PSMD14: variants seen among roughly 807,000 people sequenced by gnomAD.
The protein encoded by PSMD14 is proteasome 26S subunit, non-ATPase 14.
A neutral mutation model predicts 41.2 loss-of-function variants in PSMD14; 7 were observed. That is an observed-to-expected ratio of 0.17 (90% confidence interval 0.10 to 0.32). The LOEUF (loss-of-function observed/expected upper bound fraction) is 0.32, where lower values mean the gene tolerates loss of function less well. Ranked by LOEUF, PSMD14 falls within the 10% of genes least tolerant of loss-of-function variation. PSMD14 has a pLI of 1.00. For missense variants in PSMD14, 139 were observed against 375.6 expected, an observed-to-expected ratio of 0.37 and a Z score of 5.21; for synonymous variants, 114 against 122.3, an observed-to-expected ratio of 0.93 and a Z score of 0.45.
intron 3 of PSMD14, among the ~76,000 whole-genome samples, chr2:161,319,341 T>A (rs1478617093): frequency 1.5e-5 from 2 of 132,358 alleles, no homozygotes; most frequent in Non-Finnish European, 3.5e-5. Context: ...TAATAAGTAA[T>A]CTCTCTCCTT....
intron 3 of PSMD14, among the ~76,000 whole-genome samples, chr2:161,336,580 T>C (rs886481676): frequency 1.3e-5 from 2 of 152,170 alleles, no homozygotes; most frequent in African/African-American, 4.8e-5. Context: ...TTTATTTATT[T>C]ATTCATTTAT....
intron 7 of PSMD14, among the ~76,000 whole-genome samples, chr2:161,372,716 A>G (rs1185309188): frequency 6.6e-6 from 1 of 151,978 alleles, no homozygotes. Context: ...TATGAATTAT[A>G]TTTGATGCCT....
chr2:161,338,765 A>G lies in PSMD14; in HGVS notation c.48+19892A>G, dbSNP rs1349169308. Among the ~76,000 whole-genome samples, 3 of 152,164 alleles carry G rather than the reference A, an allele frequency of 2.0e-5. No individual in the cohort carries two copies. In the East Asian group the frequency reaches 5.8e-4, roughly 29 times the overall value. On this transcript the variant is annotated intron_variant, in intron 3 of 11. Transcript: ENST00000409682. ...ACTGCAATCAAGATGGTGAACATCC[A>G]TCATTCTCAGAATTTACATATGCCC... is the stretch of plus-strand genomic sequence containing the variant.
intron 7 of PSMD14, chr2:161,383,814 T>C (rs1233425018): frequency 6.6e-6 from 1 of 151,678 alleles, no homozygotes; most frequent in Non-Finnish European, 1.5e-5. Flanking sequence ...ATGGCCACCT[T>C]CTTCCTCCTT....
chr2:161,326,891 A>G (rs1682707726), intron 3 of PSMD14, among the ~76,000 whole-genome samples: 1 of 152,138 alleles, frequency 6.6e-6, no homozygotes, highest in Non-Finnish European at 1.5e-5. Flanking sequence ...ATATATATAA[A>G]ACATTTTTAT....
At chr2:161,352,399 G>A (rs1376039034) in intron 3 of PSMD14, among the ~76,000 whole-genome samples, 1 of 152,164 alleles carries the variant, frequency 6.6e-6, no homozygotes, top group African/African-American at 2.4e-5. Flanking sequence ...TACTTTCTGG[G>A]GAGGCGCTTT....
intron 1 of PSMD14, among the ~76,000 whole-genome samples, chr2:161,314,689 A>G (rs1212895394): frequency 6.6e-6 from 1 of 152,234 alleles, no homozygotes; most frequent in Non-Finnish European, 1.5e-5. Context: ...TTTGAGGTTC[A>G]GCTAACTTGT....
chr2:161,408,837 G>C lies in PSMD14; in HGVS notation c.772G>C (p.Ala258Pro), dbSNP rs745747841. 6.2e-7 allele frequency: 1 copy of C among 1,600,484 alleles called. No individual in the cohort carries two copies. Among genetic ancestry groups the C allele is most frequent in the Non-Finnish European group, 8.6e-7 (1 of 1,169,464 alleles). Residue 258 changes from alanine (A) to proline (P), a missense_variant and splice_region_variant, in exon 11 of 12, where the codon GCT becomes CCT. By Grantham distance (27) the Ala-to-Pro change is conservative. This residue lies in a region of PSMD14 where 80 missense variants were observed against 138.1 expected (regional missense o/e 0.58). Transcript: ENST00000409682. ...MLELAKNYNK[A>P]VEEEDKMTPE... ...TCTGTCCTTTGTGTTTCATTCACAG[G>C]CTGTAGAAGAAGAAGATAAGATGAC... is the stretch of plus-strand genomic sequence containing the variant.
At chr2:161,315,494 C>T (rs1416657131) in intron 1 of PSMD14, among the ~76,000 whole-genome samples, 1 of 152,080 alleles carries the variant, frequency 6.6e-6, no homozygotes, top group Non-Finnish European at 1.5e-5. Context: ...AAAAAGACTA[C>T]AGAGATGAAG....
In PSMD14 at chr2:161,370,273, A is replaced by G. The variant is rs570108453; in HGVS notation, c.311+96A>G. 39 of 972,872 alleles carry G rather than the reference A, an allele frequency of 4.0e-5. No individual in the cohort carries two copies. The South Asian group carries it at 6.6e-4, about 16-fold the overall frequency. 60.3% of individuals were successfully genotyped at this position (972,872 alleles called of 1,614,324 possible). On this transcript the variant is annotated intron_variant, in intron 6 of 11. Transcript: ENST00000409682. ...ATGTTTATCAATGTCATTTCTAGAA[A>G]AAGTGGTTATGTAATTGACATAAAA...
At chr2:161,311,660 C>G (rs2105227252) in intron 1 of PSMD14, among the ~76,000 whole-genome samples, 1 of 111,960 alleles carries the variant, frequency 8.9e-6, no homozygotes, top group South Asian at 2.9e-4. Context: ...GAGATGAAAC[C>G]TTGCTCTGTT....
At chr2:161,366,747 T>C (rs1683364089) in intron 3 of PSMD14, among the ~76,000 whole-genome samples, 1 of 152,208 alleles carries the variant, frequency 6.6e-6, no homozygotes, top group Admixed American at 6.5e-5. Context: ...ATATGTCAGT[T>C]ACCTTGTGCA....
intron 3 of PSMD14, among the ~76,000 whole-genome samples, chr2:161,319,797 T>C (rs1207618793): frequency 6.6e-6 from 1 of 152,204 alleles, no homozygotes; most frequent in East Asian, 1.9e-4. Flanking sequence ...ATTTTCAGTG[T>C]TTTAGAAGAA....
At chr2:161,336,048 C>T (rs529652783) in intron 3 of PSMD14, among the ~76,000 whole-genome samples, 7 of 152,264 alleles carry the variant, frequency 4.6e-5, no homozygotes, top group East Asian at 1.9e-4. Flanking sequence ...AGCCTAGAGG[C>T]GTATGTTTAA....
chr2:161,392,171 C>G (rs1305892172), intron 9 of PSMD14, among the ~76,000 whole-genome samples: 1 of 152,068 alleles, frequency 6.6e-6, no homozygotes, highest in Non-Finnish European at 1.5e-5. Flanking sequence ...ACAATCTGAA[C>G]CAGTTTCCCC....
intron 7 of PSMD14, chr2:161,381,895 C>G (rs1209231862): frequency 6.6e-6 from 1 of 151,848 alleles, no homozygotes; most frequent in East Asian, 1.9e-4. Flanking sequence ...TATTTAGTAT[C>G]TATTTCCAAG....
At chr2:161,346,811 T>C (rs933004857) in intron 3 of PSMD14, among the ~76,000 whole-genome samples, 1 of 151,962 alleles carries the variant, frequency 6.6e-6, no homozygotes, top group African/African-American at 2.4e-5. Context: ...AGGAACTCTT[T>C]CCAGTGCTGT....
intron 9 of PSMD14, among the ~76,000 whole-genome samples, chr2:161,393,939 C>T (rs1366023596): frequency 6.6e-6 from 1 of 151,172 alleles, no homozygotes; most frequent in Non-Finnish European, 1.5e-5. Context: ...AGAATCCAAC[C>T]CCAATTTGCT....
At chr2:161,362,759 T>C (rs1683307650) in intron 3 of PSMD14, among the ~76,000 whole-genome samples, 1 of 152,252 alleles carries the variant, frequency 6.6e-6, no homozygotes, top group Non-Finnish European at 1.5e-5. Context: ...TTGGTTTCTC[T>C]ACTCGTATGG....
Sources: allele counts gnomAD v4.1 joint callset (sites outside exome capture counted in the v4.1 genomes callset), GRCh38; gene constraint gnomAD v4.1.1; regional missense constraint gnomAD v4.1.1; transcripts MANE v1.5; gene names NCBI Gene and HGNC (gene_info 2026-07-23, HGNC 2026-07-21).